Variants in GALNT2 observed in about 807,000 individuals in gnomAD.
GALNT2 encodes UDP-GalNAc:polypeptide N-acetylgalactosaminyltransferase 2.
In GALNT2, 31 loss-of-function variants were observed where a neutral mutation model predicts 81.4. The observed-to-expected ratio is 0.38, with a 90% CI of 0.29 to 0.51. The LOEUF is 0.51. GALNT2 is among the 20% of genes least tolerant of loss of function. The pLI, the probability that GALNT2 is intolerant of heterozygous loss-of-function variation, is 0.87. For synonymous variants in GALNT2, 303 were observed against 287.4 expected, an observed-to-expected ratio of 1.05 and a Z score of -0.55; for missense variants, 629 against 765.7, an observed-to-expected ratio of 0.82 and a Z score of 2.11.
At chr1:230,139,294 C>T (rs1054722347) in intron 1 of GALNT2, among the ~76,000 whole-genome samples, 27 of 152,140 alleles carry the variant, frequency 1.8e-4, no homozygotes, top group Non-Finnish European at 3.2e-4. Flanking sequence ...TGAAGAATCC[C>T]GATGTTATCG....
intron 1 of GALNT2, among the ~76,000 whole-genome samples, chr1:230,173,247 T>C (rs533679250): frequency 1.3e-3 from 194 of 152,288 alleles, no homozygotes; most frequent in Non-Finnish European, 2.3e-3. Context: ...AGGCTGCGTG[T>C]GGATGCATCC....
chr1:230,201,892 A>G (rs1001557929), intron 2 of GALNT2, among the ~76,000 whole-genome samples: 2 of 152,146 alleles, frequency 1.3e-5, no homozygotes, highest in Non-Finnish European at 2.9e-5. Flanking sequence ...AGACCACCCC[A>G]TAAAGAACAG....
At chr1:230,067,452 C>CA (rs1659229996) in intron 1 of GALNT2, 46 bp downstream of exon 1, 1 of 779,806 alleles carries the variant, frequency 1.3e-6, no homozygotes, top group Non-Finnish European at 1.7e-6. Context: ...GCCCACCCCC[C>CA]ACCCTGCGCC....
chr1:230,099,594 T>C (rs1421720714), intron 1 of GALNT2, among the ~76,000 whole-genome samples: 1 of 152,234 alleles, frequency 6.6e-6, no homozygotes, highest in African/African-American at 2.4e-5. Context: ...TATGCTCCAT[T>C]GCCATGGCCA....
In GALNT2 at chr1:230,199,518, C is replaced by T. The variant is rs186484520; in HGVS notation, c.221-3619C>T. On this transcript the variant is annotated intron_variant, in intron 2 of 15. Transcript: ENST00000366672. ...AAAAATAGAATAGATCTGTTCCTCG[C>T]ATATAGTGAGGGTAAGTTTGGTATT... Among the ~76,000 whole-genome samples, 212 of 152,272 alleles carry T rather than the reference C, an allele frequency of 1.4e-3. 1 individual carries two copies. The Middle Eastern group carries it at 0.017, about 12-fold the overall frequency.
intron 3 of GALNT2, among the ~76,000 whole-genome samples, chr1:230,230,989 T>C (rs74143139): frequency 0.33 from 50,821 of 151,708 alleles, 8,559 homozygotes; most frequent in African/African-American, 0.37. Context: ...ATATGTTTCC[T>C]CATCTTCTCC....
intron 1 of GALNT2, among the ~76,000 whole-genome samples, chr1:230,144,596 C>G (rs1401193736): frequency 6.6e-6 from 1 of 152,118 alleles, no homozygotes; most frequent in Admixed American, 6.5e-5. Flanking sequence ...GTACCAAGCA[C>G]CCACCAGGAT....
chr1:230,065,193 A>G (rs888220091), upstream of GALNT2, among the ~76,000 whole-genome samples: 37 of 151,826 alleles, frequency 2.4e-4, 1 homozygote, highest in Admixed American at 2.0e-3. Flanking sequence ...TTTTACTTCT[A>G]TCTTTATATT....
At chr1:230,094,120 C>G (rs1479933133) in intron 1 of GALNT2, among the ~76,000 whole-genome samples, 1 of 151,730 alleles carries the variant, frequency 6.6e-6, no homozygotes, top group Non-Finnish European at 1.5e-5. Context: ...GCCTCAGCAT[C>G]CTGAGTAGCT....
intron 1 of GALNT2, among the ~76,000 whole-genome samples, chr1:230,154,507 G>A (rs10864722): frequency 0.42 from 63,413 of 152,074 alleles, 13,430 homozygotes; most frequent in Non-Finnish European, 0.45. Context: ...ATGGGACAAT[G>A]AAGCCCTAAC....
intron 1 of GALNT2, among the ~76,000 whole-genome samples, chr1:230,082,905 A>T (rs574595939): frequency 6.6e-6 from 1 of 152,098 alleles, no homozygotes; most frequent in Non-Finnish European, 1.5e-5. Flanking sequence ...AGCCAGGATG[A>T]TGGACAGGGA....
At chr1:230,249,510 G>A (rs1045965914) in intron 9 of GALNT2, among the ~76,000 whole-genome samples, 4 of 152,232 alleles carry the variant, frequency 2.6e-5, no homozygotes, top group African/African-American at 9.6e-5. Flanking sequence ...TGCTAGGTCT[G>A]TGCATTCCTG....
In GALNT2 at chr1:230,281,204, C is replaced by T. The variant is rs11800118; in HGVS notation, c.*1746C>T. 17,091 of 152,330 alleles carry T rather than the reference C, an allele frequency of 0.11. 1,111 individuals carry two copies. The highest frequency in any genetic ancestry group is 0.17 in the South Asian group (819 of 4,826). 9.4% of individuals were successfully genotyped at this position (152,330 alleles called of 1,614,324 possible). A position where few individuals can be genotyped will look rare whatever the true frequency, so the allele number is the denominator to read the frequency against. ...GTGTCTTCCTCCCCGGCGGGAGCCC[C>T]ACATGTGTGCACTGTAGGACAGCGG... On this transcript the variant is annotated 3_prime_UTR_variant, in exon 16 of 16. Coordinates refer to ENST00000366672, the MANE Select transcript of GALNT2 (RefSeq NM_004481.5).
chr1:230,137,760 A>G (rs558895707), intron 1 of GALNT2, among the ~76,000 whole-genome samples: 2 of 152,298 alleles, frequency 1.3e-5, no homozygotes, highest in African/African-American at 4.8e-5. Flanking sequence ...AGGAGAAGAA[A>G]AAAGTAGAGA....
chr1:230,228,659 C>A (rs1038491987), intron 3 of GALNT2, among the ~76,000 whole-genome samples: 1 of 151,906 alleles, frequency 6.6e-6, no homozygotes, highest in African/African-American at 2.4e-5. Flanking sequence ...GTGTGTAACC[C>A]TGCACCCATA....
At chr1:230,127,407 C>T (rs1277429466) in intron 1 of GALNT2, among the ~76,000 whole-genome samples, 2 of 151,758 alleles carry the variant, frequency 1.3e-5, no homozygotes, top group Non-Finnish European at 1.5e-5. Context: ...GTTGGAGTAT[C>T]GCACTCTCAC....
Position 230,188,282 on chromosome 1 carries a change from C to G in GALNT2, c.220+9971C>G, listed in dbSNP as rs568367587. On this transcript the variant is annotated intron_variant, in intron 2 of 15. Transcript: ENST00000366672. ...ATTATTGTTTTAACTCTATTTCTTG[C>G]CTTGGTTCATCGTACTTTGGGGAAG... Among the ~76,000 whole-genome samples the G allele has an allele frequency of 1.1e-4, 17 of 152,274 alleles. No individual in the cohort carries two copies. The East Asian group carries it at 2.9e-3, about 26-fold the overall frequency.
At position 230,275,142 on chromosome 1, in the gene GALNT2, CATATAT is replaced by C; in HGVS notation, c.1560+580_1560+585del. 6.6e-6 allele frequency among the ~76,000 whole-genome samples: 1 copy of C among 150,850 alleles called. No homozygotes were observed. The highest frequency in any genetic ancestry group is 6.6e-5 in the Admixed American group (1 of 15,128). On this transcript the variant is annotated intron_variant, in intron 15 of 15. Transcript: ENST00000366672. The surrounding 1 kb of genome is among the most constrained non-coding windows in gnomAD (Gnocchi z 5.5). ...TACATATATATACACACCACATATA[CATATAT>C]ACACACCACATATACATATACCTGC...
Position 230,262,907 on chromosome 1 carries a change from TTCCCTCTTC to T in GALNT2, c.1230-11_1230-3del. On this transcript the variant is annotated splice_region_variant and splice_polypyrimidine_tract_variant and intron_variant, in intron 12 of 15. Coordinates refer to ENST00000366672, the MANE Select transcript of GALNT2 (RefSeq NM_004481.5). ...CTTAAAATTTATAAAGGAATCTTATTTCCCTCTTCTCCAGTATTCAGAGCAGATTGGAGC... is the reference window on the plus strand; with the variant it reads ...CTTAAAATTTATAAAGGAATCTTATTTCCAGTATTCAGAGCAGATTGGAGC... The T allele has an allele frequency of 6.2e-7, 1 of 1,609,230 alleles. No individual in the cohort carries two copies. The highest frequency in any genetic ancestry group is 8.5e-7 in the Non-Finnish European group (1 of 1,176,146).
Sources: allele counts gnomAD v4.1 joint callset (sites outside exome capture counted in the v4.1 genomes callset), GRCh38; gene constraint gnomAD v4.1.1; non-coding constraint Gnocchi (gnomAD v3.1); transcripts MANE v1.5; gene names NCBI Gene and HGNC (gene_info 2026-07-23, HGNC 2026-07-21).